The following CRH variants were observed in gnomAD, a reference collection of about 807,000 sequenced individuals.
CRH encodes the protein corticotropin releasing hormone.
A neutral mutation model predicts 11.1 loss-of-function variants in CRH; 6 were observed. The observed-to-expected ratio is 0.54, with a 90% CI of 0.30 to 1.07. The LOEUF (loss-of-function observed/expected upper bound fraction) is 1.07. Among genes scored for constraint, CRH ranks in the 50% least tolerant of loss-of-function variants. The pLI is 0.07. For missense variants in CRH, 289 were observed against 269.4 expected, an observed-to-expected ratio of 1.07 and a Z score of -0.51; for synonymous variants, 155 against 132.0, an observed-to-expected ratio of 1.17 and a Z score of -1.19.
intron 1 of CRH, 38 bp from the exon 2 acceptor site, chr8:66,177,529 G>A (rs1248273439): frequency 8.0e-6 from 12 of 1,501,702 alleles, no homozygotes; most frequent in Non-Finnish European, 1.1e-5. Context: ...GAATGAGAGA[G>A]GGGAAGAGAG....
In CRH at chr8:66,178,395, C is replaced by G. The variant is rs545306508; in HGVS notation, c.-117G>C. On this transcript the variant is annotated 5_prime_UTR_variant, in exon 1 of 2. Transcript: ENST00000276571. ...GTTGTCTTCCTTTCTCTTTACTGTT[C>G]CCACTCTCTTTTTCTTTCTCTCCTC... 1.3e-5 allele frequency: 2 copies of G among 152,360 alleles called. No individual in the cohort carries two copies. Among genetic ancestry groups the G allele is most frequent in the South Asian group, 4.1e-4 (2 of 4,820 alleles). The allele number at this position is 152,360 out of a possible 1,614,324, so 9.4% of individuals were successfully genotyped here. A position where few individuals can be genotyped will look rare whatever the true frequency, so the allele number is the denominator to read the frequency against.
Position 66,177,490 on chromosome 8 carries a change from C to T in CRH, c.-13G>A. 2.6e-6 allele frequency: 4 copies of T among 1,530,508 alleles called. No individual in the cohort carries two copies. The highest frequency in any genetic ancestry group is 1.7e-6 in the Non-Finnish European group (2 of 1,144,528). 94.8% of individuals were successfully genotyped at this position (1,530,508 alleles called of 1,614,324 possible). ...GCGGCAGCCGCATGTTAGGGGCACT[C>T]GCTGCGGCACAGAGGTGGGCGGAGG... On this transcript the variant is annotated splice_region_variant and 5_prime_UTR_variant, in exon 2 of 2. Transcript: ENST00000276571.
rs866109709 is a variant in CRH, at chr8:66,177,318, C to T, written c.160G>A (p.Glu54Lys). ...CGAGCCTGCGGCTGCTGGGGCTGCTCGGACTGCGGCGGCGGCTGGAAGAAA... is the reference window on the plus strand; with the variant it reads ...CGAGCCTGCGGCTGCTGGGGCTGCTTGGACTGCGGCGGCGGCTGGAAGAAA... ...LDFFQPPPQSEQPQQPQARPV... is the reference protein window; with the variant it reads ...LDFFQPPPQSKQPQQPQARPV... Residue 54 changes from glutamate (E) to lysine (K), a missense_variant, in exon 2 of 2, where the codon GAG (glutamate) becomes AAG (lysine). By Grantham distance (56) the Glu-to-Lys change is moderately conservative. This residue lies in a region of CRH where 261 missense variants were observed against 219.0 expected (regional missense o/e 1.19). Coordinates refer to ENST00000276571, the MANE Select transcript of CRH (RefSeq NM_000756.4). The T allele has an allele frequency of 6.4e-7, 1 of 1,555,352 alleles. No individual in the cohort carries two copies. Among genetic ancestry groups the T allele is most frequent in the Admixed American group, 1.9e-5 (1 of 53,062 alleles).
In CRH at chr8:66,176,794, A is replaced by G; in HGVS notation, c.*93T>C. Reference sequence around the variant, plus strand: ...TTTCAAGCTATATAAAAATAAACAAATGGCATAAGAGCAGCGCTATGGTAC... The same window carrying G: ...TTTCAAGCTATATAAAAATAAACAAGTGGCATAAGAGCAGCGCTATGGTAC... On this transcript the variant is annotated 3_prime_UTR_variant, in exon 2 of 2. Transcript: ENST00000276571. The G allele has an allele frequency of 7.1e-7, 1 of 1,414,136 alleles. No individual in the cohort carries two copies. Among genetic ancestry groups the G allele is most frequent in the Non-Finnish European group, 9.3e-7 (1 of 1,072,090 alleles). The allele number at this position is 1,414,136 out of a possible 1,614,324, so 87.6% of individuals were successfully genotyped here.
chr8:66,177,297 C>CCTGCGGCTG lies in CRH; in HGVS notation c.172_180dup (p.Gln58_Gln60dup). 1 of 1,555,638 alleles carries CCTGCGGCTG rather than the reference C, an allele frequency of 6.4e-7. No individual in the cohort carries two copies. Among genetic ancestry groups the CCTGCGGCTG allele is most frequent in the Non-Finnish European group, 8.7e-7 (1 of 1,154,956 alleles). On this transcript the variant is annotated inframe_insertion, in exon 2 of 2. Coordinates refer to ENST00000276571, the MANE Select transcript of CRH (RefSeq NM_000756.4). The stretch of plus-strand genomic sequence containing the variant: ...CCCATGCGGAGCAGGACCGGCCGAG[C>CCTGCGGCTG]CTGCGGCTGCTGGGGCTGCTCGGAC...
In CRH at chr8:66,177,246, TC is replaced by T. The variant is rs1347685767; in HGVS notation, c.231del (p.Asn78ThrfsTer103). On this transcript the variant is annotated frameshift_variant, in exon 2 of 2. Transcript: ENST00000276571. LOFTEE classifies it high-confidence loss of function. ...RMGEEYFLRL[G>X]NLNKSPAAPL... ...GGAGCGGCCGGGCTCTTGTTGAGGT[TC>T]CCCAGGCGGAGGAAGTACTCCTCTC... 4 of 1,542,674 alleles carry T rather than the reference TC, an allele frequency of 2.6e-6. No homozygotes were observed. The highest frequency in any genetic ancestry group is 3.5e-6 in the Non-Finnish European group (4 of 1,148,194).
At chr8:66,177,825 C>T (rs1390149254) in intron 1 of CRH, among the ~76,000 whole-genome samples, 1 of 152,180 alleles carries the variant, frequency 6.6e-6, no homozygotes, top group Non-Finnish European at 1.5e-5. Context: ...TAGAGAAGAG[C>T]CACAGATTTA....
rs928991301 is a variant in CRH at position 66,177,627 on chromosome 8, C to G, written c.-14-136G>C. On this transcript the variant is annotated intron_variant, in intron 1 of 1. Transcript: ENST00000276571. Reference sequence around the variant, plus strand: ...TGCCTTAGACGTGCTGGGCTTTGGCCTCAGTGATTCGGATGGGCGCTGTCC... The same window carrying G: ...TGCCTTAGACGTGCTGGGCTTTGGCGTCAGTGATTCGGATGGGCGCTGTCC... 7.9e-6 allele frequency: 10 copies of G among 1,260,532 alleles called. No homozygotes were observed. In the African/African-American group the frequency reaches 1.6e-4, roughly 20 times the overall value. 78.1% of individuals were successfully genotyped at this position (1,260,532 alleles called of 1,614,324 possible). A position where few individuals can be genotyped will look rare whatever the true frequency, so the allele number is the denominator to read the frequency against.
At chr8:66,177,584 G>C in intron 1 of CRH, 93 bp from the exon 2 acceptor site, 1 of 1,433,882 alleles carries the variant, frequency 7.0e-7, no homozygotes, top group Non-Finnish European at 9.2e-7. Flanking sequence ...AGGTGCACAC[G>C]GGGTCTTCCT....
Position 66,177,145 on chromosome 8 carries a change from A to C in CRH, c.333T>G (p.Phe111Leu). Reference protein sequence around the residue: ...RPSPEQATANFFRVLLQQLLL... With the variant: ...RPSPEQATANLFRVLLQQLLL... ...GCAGCTGCTGCAGCAACACGCGGAA[A>C]AAGTTGGCGGTCGCCTGTTCCGGCG... is the stretch of plus-strand genomic sequence containing the variant. The change falls in exon 2 of 2, where the codon TTT becomes TTG. Residue 111 changes from phenylalanine to leucine, a missense_variant. Transcript: ENST00000276571. 2 of 1,547,802 alleles carry C rather than the reference A, an allele frequency of 1.3e-6. No individual in the cohort carries two copies. The highest frequency in any genetic ancestry group is 1.7e-6 in the Non-Finnish European group (2 of 1,146,904).
intron 1 of CRH, 93 bp from the exon 2 acceptor site, chr8:66,177,584 G>T: frequency 7.0e-7 from 1 of 1,433,882 alleles, no homozygotes; most frequent in Non-Finnish European, 9.2e-7. Context: ...AGGTGCACAC[G>T]GGGTCTTCCT....
rs144205489 is a variant in CRH, at chr8:66,177,022, C to T, written c.456G>A (p.Arg152=). Reference sequence around the variant, plus strand: ...GGGAGATGGGAGGCTCCTCGGACCGCCTTTCTCTCTCCGGTGCCTCCTGGT... The same window carrying T: ...GGGAGATGGGAGGCTCCTCGGACCGTCTTTCTCTCTCCGGTGCCTCCTGGT... ...GGHQEAPERE[R]RSEEPPISLD... The change falls in exon 2 of 2, where the codon AGG becomes AGA. Residue 152 remains arginine, a synonymous_variant. Transcript: ENST00000276571. 2.2e-3 allele frequency: 3,509 copies of T among 1,614,034 alleles called. 22 individuals carry two copies. Among genetic ancestry groups the T allele is most frequent in the South Asian group, 0.013 (1,167 of 91,034 alleles).
In CRH at chr8:66,176,742, T is replaced by A; in HGVS notation, c.*145A>T. The A allele has an allele frequency of 9.8e-7, 1 of 1,022,526 alleles. No homozygotes were observed. The highest frequency in any genetic ancestry group is 2.0e-5 in the South Asian group (1 of 49,300). 63.3% of individuals were successfully genotyped at this position (1,022,526 alleles called of 1,614,324 possible). A position where few individuals can be genotyped will look rare whatever the true frequency, so the allele number is the denominator to read the frequency against. ...CTTTGTGCATGCTAAGTAAGGGGTA[T>A]AGGCTCTCTCCCTCTCTCCCTCTAT... is the stretch of plus-strand genomic sequence containing the variant. On this transcript the variant is annotated 3_prime_UTR_variant, in exon 2 of 2. Transcript: ENST00000276571.
Position 66,177,209 on chromosome 8 carries a change from G to T in CRH, c.269C>A (p.Ala90Asp). 6.5e-7 allele frequency: 1 copy of T among 1,541,220 alleles called. No individual in the cohort carries two copies. The highest frequency in any genetic ancestry group is 1.4e-5 in the African/African-American group (1 of 73,098). ...NKSPAAPLSP[A>D]SSLLAGGSGS... ...GCTGCCTCCGGCGAGGAGCGAGGAG[G>T]CGGGCGAAAGGGGAGCGGCCGGGCT... is the stretch of plus-strand genomic sequence containing the variant. The change falls in exon 2 of 2, where the codon GCC (alanine) becomes GAC (aspartate). Residue 90 changes from alanine to aspartate, a missense_variant. Around this residue, in one of 2 missense-constraint regions of CRH, gnomAD observed 261 missense variants for 219.0 expected, o/e 1.19. Transcript: ENST00000276571.
chr8:66,177,297 C>A lies in CRH; in HGVS notation c.181G>T (p.Ala61Ser). Residue 61 changes from alanine (A) to serine (S), a missense_variant, in exon 2 of 2, where the codon GCT (alanine) becomes TCT (serine). Transcript: ENST00000276571. ...CCCATGCGGAGCAGGACCGGCCGAG[C>A]CTGCGGCTGCTGGGGCTGCTCGGAC... Reference protein sequence around the residue: ...PQSEQPQQPQARPVLLRMGEE... With the variant: ...PQSEQPQQPQSRPVLLRMGEE... 1 of 1,555,636 alleles carries A rather than the reference C, an allele frequency of 6.4e-7. No homozygotes were observed. The highest frequency in any genetic ancestry group is 1.4e-5 in the African/African-American group (1 of 73,638).
intron 1 of CRH, among the ~76,000 whole-genome samples, chr8:66,177,972 G>A (rs891116007): frequency 6.6e-6 from 1 of 151,796 alleles, no homozygotes; most frequent in Non-Finnish European, 1.5e-5. Flanking sequence ...AGAAGGGGGT[G>A]GGGGAGCTCC....
At position 66,177,163 on chromosome 8, in the gene CRH, T is replaced by C; in HGVS notation, c.315A>G (p.Glu105=). The C allele has an allele frequency of 6.5e-7, 1 of 1,542,594 alleles. No homozygotes were observed. The part of the protein sequence containing the change: ...AGGSGSRPSP[E]QATANFFRVL... ...CGCGGAAAAAGTTGGCGGTCGCCTG[T>C]TCCGGCGAAGGGCGGCTGCCGCTGC... is the stretch of plus-strand genomic sequence containing the variant. Residue 105 remains glutamate, a synonymous_variant, in exon 2 of 2, where the codon GAA becomes GAG. Coordinates refer to ENST00000276571, the MANE Select transcript of CRH (RefSeq NM_000756.4).
Position 66,176,689 on chromosome 8 carries a change from C to T in CRH, c.*198G>A. 2 of 554,216 alleles carry T rather than the reference C, an allele frequency of 3.6e-6. No homozygotes were observed. The highest frequency in any genetic ancestry group is 5.6e-6 in the Non-Finnish European group (2 of 354,828). 34.3% of individuals were successfully genotyped at this position (554,216 alleles called of 1,614,324 possible). Reference sequence around the variant, plus strand: ...AACTAAACGTAGACAAAACGAATAACATTGTGTTGCTGCTGCACGTGAATA... The same window carrying T: ...AACTAAACGTAGACAAAACGAATAATATTGTGTTGCTGCTGCACGTGAATA... On this transcript the variant is annotated 3_prime_UTR_variant, in exon 2 of 2. Coordinates refer to ENST00000276571, the MANE Select transcript of CRH (RefSeq NM_000756.4).
chr8:66,177,202 C>A lies in CRH; in HGVS notation c.276G>T (p.Ser92=). The change falls in exon 2 of 2, where the codon TCG becomes TCT. Residue 92 remains serine, a synonymous_variant. Coordinates refer to ENST00000276571, the MANE Select transcript of CRH (RefSeq NM_000756.4). ...GGCTGCCGCTGCCTCCGGCGAGGAG[C>A]GAGGAGGCGGGCGAAAGGGGAGCGG... ...SPAAPLSPAS[S]LLAGGSGSRP... 1 of 1,541,146 alleles carries A rather than the reference C, an allele frequency of 6.5e-7. No individual in the cohort carries two copies. Among genetic ancestry groups the A allele is most frequent in the Non-Finnish European group, 8.7e-7 (1 of 1,146,976 alleles).
Sources: gnomAD v4.1 joint callset for allele counts (sites outside exome capture counted in the v4.1 genomes callset) on GRCh38, gnomAD v4.1.1 for gene constraint, gnomAD v4.1.1 regional missense constraint, MANE v1.5 for transcripts, NCBI Gene and HGNC (gene_info 2026-07-23, HGNC 2026-07-21) for gene names.